CSMD1: variants seen among roughly 807,000 people sequenced by gnomAD.
CSMD1 encodes the protein CUB and Sushi multiple domains 1, also known as CUB and sushi domain-containing protein 1.
Under a neutral mutation model 417.5 loss-of-function variants are expected in CSMD1, and 213 were observed. The ratio of observed to expected loss-of-function variants is 0.51; its 90% confidence interval spans 0.46 to 0.57. The LOEUF is 0.57. Among genes scored for constraint, CSMD1 ranks in the 20% least tolerant of loss-of-function variants. The probability of loss-of-function intolerance (pLI) is 0.00; values close to 1 mark genes in which losing one functional copy is unlikely to be tolerated. For synonymous variants in CSMD1, 2,862 were observed against 1,736.8 expected (o/e 1.65, Z -16.11); for missense variants, 6,923 against 4,529.7 (o/e 1.53, Z -15.17).
At chr8:4,915,984 C>G (rs1437539009) in intron 1 of CSMD1, among the ~76,000 whole-genome samples, 3 of 152,162 alleles carry the variant, frequency 2.0e-5, no homozygotes, top group African/African-American at 7.2e-5. Flanking sequence ...TAGTTCCCAT[C>G]CCTGGTCCAG....
chr8:3,049,726 G>C (rs535835475), intron 50 of CSMD1, among the ~76,000 whole-genome samples: 1 of 152,050 alleles, frequency 6.6e-6, no homozygotes, highest in African/African-American at 2.4e-5. Flanking sequence ...GCCCACAGAT[G>C]GTGCAACACC....
chr8:4,693,777 A>AACCATTCTCCT (rs1307900163), intron 1 of CSMD1, among the ~76,000 whole-genome samples: 22 of 152,388 alleles, frequency 1.4e-4, no homozygotes, highest in African/African-American at 5.0e-4. Flanking sequence ...CCTAGGCTCA[A>AACCATTCTCCT]GCCATTCTCC....
At position 3,189,430 on chromosome 8, in the gene CSMD1, G is replaced by C. The variant is rs192737786; in HGVS notation, c.5399-419C>G. ...ATTCAAGAGAAGAGGCGCTTAAAAT[G>C]TACAAATGATTCAAGTGCTAATCAT... On this transcript the variant is annotated intron_variant, in intron 34 of 69. Transcript: ENST00000635120. Among the ~76,000 whole-genome samples the C allele has an allele frequency of 5.9e-5, 9 of 152,334 alleles. No homozygotes were observed. In the East Asian group the frequency reaches 1.7e-3, roughly 29 times the overall value.
At chr8:4,170,382 T>G (rs1195389314) in intron 3 of CSMD1, among the ~76,000 whole-genome samples, 2 of 151,900 alleles carry the variant, frequency 1.3e-5, no homozygotes, top group African/African-American at 4.9e-5. Context: ...AAAATTGAAT[T>G]CAAGAGCCAC....
At chr8:3,320,849 G>T (rs1270378687) in intron 23 of CSMD1, among the ~76,000 whole-genome samples, 1 of 152,200 alleles carries the variant, frequency 6.6e-6, no homozygotes, top group Non-Finnish European at 1.5e-5. Flanking sequence ...TGCCTATGGG[G>T]ATACAACGCC....
In CSMD1 at chr8:3,936,771, A is replaced by C. The variant is rs75317329; in HGVS notation, c.818+61132T>G. Among the ~76,000 whole-genome samples, 25 of 152,314 alleles carry C rather than the reference A, an allele frequency of 1.6e-4. 1 individual carries two copies. The East Asian group carries it at 4.8e-3, about 29-fold the overall frequency. On this transcript the variant is annotated intron_variant, in intron 5 of 69. Transcript: ENST00000635120. Reference sequence around the variant, plus strand: ...CATTCTGCAGCCCAAGAAACACGAAAAACTTTTGACTTTCAATTATTGTTA... The same window carrying C: ...CATTCTGCAGCCCAAGAAACACGAACAACTTTTGACTTTCAATTATTGTTA...
chr8:3,776,793 T>A (rs986471), intron 5 of CSMD1, among the ~76,000 whole-genome samples: 148,800 of 149,478 alleles, frequency 1, 74,062 homozygotes, highest in East Asian at 1. Context: ...TGATAGATAG[T>A]GACATATAGA....
At chr8:4,578,729 G>C (rs1799263527) in intron 2 of CSMD1, among the ~76,000 whole-genome samples, 1 of 148,564 alleles carries the variant, frequency 6.7e-6, no homozygotes, top group Non-Finnish European at 1.5e-5. Flanking sequence ...CAAGATAATT[G>C]CTTGAACCTG....
At chr8:3,672,970 C>T (rs985616311) in intron 7 of CSMD1, among the ~76,000 whole-genome samples, 8 of 152,138 alleles carry the variant, frequency 5.3e-5, no homozygotes, top group African/African-American at 1.9e-4. Flanking sequence ...TATTCCTATG[C>T]CTTATTGTAA....
intron 68 of CSMD1, among the ~76,000 whole-genome samples, chr8:2,945,844 T>C (rs561935497): frequency 2.0e-5 from 3 of 152,356 alleles, no homozygotes; most frequent in Admixed American, 6.5e-5. Context: ...TAGGTAGTTA[T>C]AAATTTACAT....
chr8:4,326,603 GAA>G (rs1189333919), intron 3 of CSMD1, among the ~76,000 whole-genome samples: 9 of 152,298 alleles, frequency 5.9e-5, no homozygotes, highest in South Asian at 2.1e-4. Flanking sequence ...CTCCTACGGA[GAA>G]AACAGTAAGA....
intron 2 of CSMD1, among the ~76,000 whole-genome samples, chr8:4,513,039 A>C (rs1291375222): frequency 6.6e-6 from 1 of 152,216 alleles, no homozygotes; most frequent in Non-Finnish European, 1.5e-5. Flanking sequence ...TAATTAAACA[A>C]TGAAAATTAT....
At chr8:3,895,861 A>T (rs1485442724) in intron 5 of CSMD1, among the ~76,000 whole-genome samples, 1 of 152,152 alleles carries the variant, frequency 6.6e-6, no homozygotes, top group African/African-American at 2.4e-5. Context: ...GACAAGTCGG[A>T]TGGGAATAGT....
chr8:4,577,494 A>C (rs938540634), intron 2 of CSMD1, among the ~76,000 whole-genome samples: 3 of 152,106 alleles, frequency 2.0e-5, no homozygotes, highest in African/African-American at 7.2e-5. Flanking sequence ...CTATGCCACC[A>C]CAGCACCCAC....
chr8:4,052,870 T>C (rs1798504211), intron 3 of CSMD1, among the ~76,000 whole-genome samples: 1 of 152,104 alleles, frequency 6.6e-6, no homozygotes, highest in Non-Finnish European at 1.5e-5. Context: ...CCACAATGAT[T>C]CCAATGCAGT....
intron 6 of CSMD1, among the ~76,000 whole-genome samples, chr8:3,723,098 A>C (rs968968982): frequency 6.6e-6 from 1 of 152,112 alleles, no homozygotes; most frequent in Non-Finnish European, 1.5e-5. Flanking sequence ...CCTTTTTGAC[A>C]TTCAGTCAGG....
intron 3 of CSMD1, among the ~76,000 whole-genome samples, chr8:4,142,101 T>G (rs1803827742): frequency 6.6e-6 from 1 of 151,198 alleles, no homozygotes; most frequent in Non-Finnish European, 1.5e-5. Flanking sequence ...TCCCTAATGT[T>G]TGAAGCAACA....
intron 5 of CSMD1, among the ~76,000 whole-genome samples, chr8:3,796,632 T>A (rs889879007): frequency 1.5e-4 from 23 of 149,098 alleles, no homozygotes; most frequent in Non-Finnish European, 3.1e-4. Flanking sequence ...ATATATCTTC[T>A]AATGTATAGA....
chr8:4,927,171 A>G (rs1251277063), intron 1 of CSMD1, among the ~76,000 whole-genome samples: 2 of 151,242 alleles, frequency 1.3e-5, no homozygotes, highest in African/African-American at 2.4e-5. Context: ...CAATGGCACA[A>G]TCTCAGCTCA....
Sources: gnomAD v4.1 joint callset for allele counts (sites outside exome capture counted in the v4.1 genomes callset) on GRCh38, gnomAD v4.1.1 for gene constraint, MANE v1.5 for transcripts, NCBI Gene and HGNC (gene_info 2026-07-23, HGNC 2026-07-21) for gene names.